Variants in GTPBP4 observed in about 807,000 individuals in gnomAD.
GTPBP4 encodes GTP-binding protein 4.
GTPBP4 carries 15 observed loss-of-function variants against 81.7 expected under a neutral mutation model. The ratio of observed to expected loss-of-function variants is 0.18; its 90% CI spans 0.12 to 0.28. The LOEUF (loss-of-function observed/expected upper bound fraction) is 0.28, where lower values mean the gene tolerates loss of function less well. Ranked by LOEUF, GTPBP4 falls within the 10% of genes least tolerant of loss-of-function variation. GTPBP4 has a pLI of 1.00. For missense variants in GTPBP4, 847 were observed against 793.8 expected, an observed-to-expected ratio of 1.07 and a Z score of -0.81; for synonymous variants, 272 against 274.6, an observed-to-expected ratio of 0.99 and a Z score of 0.09.
rs759810000 is a variant in GTPBP4, at chr10:1,005,848, T to C, written c.943T>C (p.Phe315Leu). The C allele has an allele frequency of 1.2e-6, 2 of 1,603,734 alleles. No homozygotes were observed. The highest frequency in any genetic ancestry group is 2.2e-5 in the South Asian group (2 of 90,600). The change falls in exon 9 of 17, where the codon TTC (phenylalanine) becomes CTC (leucine). Residue 315 changes from phenylalanine (F) to leucine (L), a missense_variant. Physicochemically the swap from Phe to Leu is conservative, Grantham distance 22 (BLOSUM62 0). This residue lies in a region of GTPBP4 where 600 missense variants were observed against 557.1 expected (regional missense o/e 1.08). Coordinates refer to ENST00000360803, the MANE Select transcript of GTPBP4 (RefSeq NM_012341.3). ...ATTTACAGATTTGCAGTCTGAAGGATTCCCTGTAATAGAGACCAGCACCCT... is the reference window on the plus strand; with the variant it reads ...ATTTACAGATTTGCAGTCTGAAGGACTCCCTGTAATAGAGACCAGCACCCT... ...KIFTDLQSEG[F>L]PVIETSTLTE...
chr10:992,051 G>A (rs1359654206), intron 1 of GTPBP4, among the ~76,000 whole-genome samples: 3 of 151,028 alleles, frequency 2.0e-5, no homozygotes, highest in African/African-American at 4.9e-5. Context: ...TACATGAAAC[G>A]TTTAGTAAAT....
chr10:1,012,867 C>T (rs183044688), intron 14 of GTPBP4, among the ~76,000 whole-genome samples: 20 of 152,272 alleles, frequency 1.3e-4, no homozygotes, highest in African/African-American at 3.9e-4. Flanking sequence ...CTTTCAGCTT[C>T]GAGTTTGGCA....
intron 13 of GTPBP4, 58 bp downstream of exon 13, chr10:1,010,578 G>GCTATCTTCCA: frequency 1.1e-6 from 1 of 938,616 alleles, no homozygotes; most frequent in Non-Finnish European, 1.8e-6. Flanking sequence ...TAGTATTGCT[G>GCTATCTTCCA]GAAGATAGCA....
chr10:1,008,981 A>C lies in GTPBP4; in HGVS notation c.1137A>C (p.Glu379Asp). The part of the protein sequence containing the change: ...DDKERPPFIP[E>D]GVVARRKRME... The stretch of plus-strand genomic sequence containing the variant: ...AGGAGAGGCCCCCTTTCATCCCTGA[A>C]GGAGTGGTGGCTCGCAGGAAGAGGA... The change falls in exon 11 of 17, where the codon GAA becomes GAC. Residue 379 changes from glutamate to aspartate, a missense_variant. Around this residue, in one of 3 missense-constraint regions of GTPBP4, gnomAD observed 600 missense variants for 557.1 expected, o/e 1.08. Transcript: ENST00000360803. The C allele has an allele frequency of 6.2e-7, 1 of 1,612,390 alleles. No individual in the cohort carries two copies. The highest frequency in any genetic ancestry group is 8.5e-7 in the Non-Finnish European group (1 of 1,178,398).
Position 1,017,580 on chromosome 10 carries a change from G to A in GTPBP4, c.*353G>A, listed in dbSNP as rs190238446. ...GAGCAAACACGTTTATGAGTGTGTC[G>A]GAATCCCGTGCTTAAAATACGCTCT... On this transcript the variant is annotated 3_prime_UTR_variant, in exon 17 of 17. Coordinates refer to ENST00000360803, the MANE Select transcript of GTPBP4 (RefSeq NM_012341.3). The A allele has an allele frequency of 1.1e-4, 20 of 180,748 alleles. No individual in the cohort carries two copies. Among genetic ancestry groups the A allele is most frequent in the Non-Finnish European group, 1.7e-4 (15 of 87,514 alleles). The allele number at this position is 180,748 out of a possible 1,614,324, so 11.2% of individuals were successfully genotyped here.
At chr10:999,795 C>T (rs1831592511) in intron 6 of GTPBP4, among the ~76,000 whole-genome samples, 1 of 152,144 alleles carries the variant, frequency 6.6e-6, no homozygotes, top group Non-Finnish European at 1.5e-5. Context: ...CCCATCTCTA[C>T]TAAAAATACA....
chr10:1,017,486 G>A lies in GTPBP4; in HGVS notation c.*259G>A. 2.9e-6 allele frequency: 1 copy of A among 346,722 alleles called. No homozygotes were observed. The highest frequency in any genetic ancestry group is 5.2e-6 in the Non-Finnish European group (1 of 193,280). The allele number at this position is 346,722 out of a possible 1,614,324, so 21.5% of individuals were successfully genotyped here. On this transcript the variant is annotated 3_prime_UTR_variant, in exon 17 of 17. Transcript: ENST00000360803. Reference sequence around the variant, plus strand: ...CAGTTGCTTCAGATTTTCAGAACTGGGAAGATTTACTGGTTTAACTAGGTT... The same window carrying A: ...CAGTTGCTTCAGATTTTCAGAACTGAGAAGATTTACTGGTTTAACTAGGTT...
chr10:996,501 C>T, intron 4 of GTPBP4: 1 of 287,404 alleles, frequency 3.5e-6, no homozygotes, highest in Non-Finnish European at 6.3e-6. Context: ...CGAGAAAATA[C>T]TGAAAAGTAT....
intron 15 of GTPBP4, 62 bp downstream of exon 15, chr10:1,014,374 T>C (rs1326486554): frequency 8.2e-7 from 1 of 1,214,928 alleles, no homozygotes; most frequent in East Asian, 2.4e-5. Context: ...TAAAGAAAAC[T>C]GGCCGGGCGT....
At chr10:1,004,991 C>T (rs367571473) in intron 8 of GTPBP4, among the ~76,000 whole-genome samples, 18 of 152,290 alleles carry the variant, frequency 1.2e-4, no homozygotes, top group African/African-American at 2.9e-4. Context: ...CAGGGGGCTC[C>T]GGTGGTGAGG....
intron 2 of GTPBP4, 84 bp downstream of exon 2, chr10:992,743 GA>G: frequency 1.4e-6 from 1 of 736,970 alleles, no homozygotes. Flanking sequence ...GTACTCATTT[GA>G]CAGAAAAGGA....
chr10:1,011,175 C>CT (rs1456735521), intron 13 of GTPBP4, among the ~76,000 whole-genome samples: 1 of 150,858 alleles, frequency 6.6e-6, no homozygotes, highest in Non-Finnish European at 1.5e-5. Context: ...CCTGACTGTG[C>CT]CCCCTGCACC....
intron 14 of GTPBP4, among the ~76,000 whole-genome samples, chr10:1,012,951 A>G (rs544641904): frequency 6.6e-6 from 1 of 152,296 alleles, no homozygotes; most frequent in African/African-American, 2.4e-5. Flanking sequence ...GTTCAAGGCT[A>G]TCAGTGAACA....
rs1310618434 is a variant in GTPBP4 at position 1,017,254 on chromosome 10, T to C, written c.*27T>C. 2.5e-6 allele frequency: 4 copies of C among 1,603,176 alleles called. No homozygotes were observed. The highest frequency in any genetic ancestry group is 1.1e-5 in the South Asian group (1 of 90,464). ...ATCCGTTTGGTTGGCGTGGCTTCGC[T>C]AGAGTGTTGCTGTTTATTTCCTGGT... On this transcript the variant is annotated 3_prime_UTR_variant, in exon 17 of 17. Coordinates refer to ENST00000360803, the MANE Select transcript of GTPBP4 (RefSeq NM_012341.3).
At chr10:1,010,832 T>TC (rs1211810433) in intron 13 of GTPBP4, among the ~76,000 whole-genome samples, 2 of 62,002 alleles carry the variant, frequency 3.2e-5, no homozygotes, top group South Asian at 6.8e-4. Flanking sequence ...CTGCACCTCT[T>TC]CCCTGTCCCG....
In GTPBP4 at chr10:1,017,333, A is replaced by G. The variant is rs1295346198; in HGVS notation, c.*106A>G. ...AGCTCTGTATAAACTGAAAAAGACAAAATAAGTAAAGCACTTGTTGCTTTG... is the reference window on the plus strand; with the variant it reads ...AGCTCTGTATAAACTGAAAAAGACAGAATAAGTAAAGCACTTGTTGCTTTG... On this transcript the variant is annotated 3_prime_UTR_variant, in exon 17 of 17. Transcript: ENST00000360803. The G allele has an allele frequency of 1.9e-6, 2 of 1,056,500 alleles. No homozygotes were observed. Among genetic ancestry groups the G allele is most frequent in the Non-Finnish European group, 2.8e-6 (2 of 718,730 alleles). 65.4% of individuals were successfully genotyped at this position (1,056,500 alleles called of 1,614,324 possible).
At chr10:998,871 T>G in intron 5 of GTPBP4, 132 bp from the exon 6 acceptor site, 1 of 635,382 alleles carries the variant, frequency 1.6e-6, no homozygotes, top group Non-Finnish European at 2.9e-6. Context: ...CAGGCTCCTA[T>G]TCGATGCAGT....
In GTPBP4 at chr10:1,008,194, C is replaced by T. The variant is rs575676548; in HGVS notation, c.1114-764C>T. 1.4e-4 allele frequency: 62 copies of T among 452,074 alleles called. 2 individuals are homozygous for T. The East Asian group carries it at 1.5e-3, about 11-fold the overall frequency. The allele number at this position is 452,074 out of a possible 1,614,324, so 28.0% of individuals were successfully genotyped here. On this transcript the variant is annotated intron_variant, in intron 10 of 16. Coordinates refer to ENST00000360803, the MANE Select transcript of GTPBP4 (RefSeq NM_012341.3). ...CTGGGAGGCCGAGGCGGGTGGATCA[C>T]CTGAGGTCAAGAGTCTGAGACCAGC...
intron 10 of GTPBP4, among the ~76,000 whole-genome samples, 188 bp from the exon 11 acceptor site, chr10:1,008,770 G>T (rs1831796846): frequency 6.6e-6 from 1 of 151,758 alleles, no homozygotes. Context: ...AAAATAATCT[G>T]TTGGTTGTTA....
Sources: gnomAD v4.1 joint callset for allele counts (sites outside exome capture counted in the v4.1 genomes callset) on GRCh38, gnomAD v4.1.1 for gene constraint, gnomAD v4.1.1 regional missense constraint, MANE v1.5 for transcripts, NCBI Gene and HGNC (gene_info 2026-07-23, HGNC 2026-07-21) for gene names.